APBB2: variants seen among roughly 807,000 people sequenced by gnomAD.
APBB2 encodes amyloid beta precursor protein binding family B member 2.
In APBB2, 38 loss-of-function variants were observed where a neutral mutation model predicts 82.5. The ratio of observed to expected loss-of-function variants is 0.46; its 90% CI spans 0.36 to 0.60. The LOEUF (loss-of-function observed/expected upper bound fraction) is 0.60, where lower values mean the gene tolerates loss of function less well. Among genes scored for constraint, APBB2 ranks in the 20% least tolerant of loss-of-function variants. The pLI is 0.00. For synonymous variants in APBB2, 341 were observed against 368.2 expected (o/e 0.93, Z 0.85); for missense variants, 772 against 972.3 (o/e 0.79, Z 2.74).
intron 4 of APBB2, among the ~76,000 whole-genome samples, chr4:41,056,137 G>A (rs543421397): frequency 7.2e-5 from 11 of 151,994 alleles, no homozygotes; most frequent in African/African-American, 2.2e-4. Flanking sequence ...CCGAGATCGC[G>A]GCACTGCACT....
intron 2 of APBB2, among the ~76,000 whole-genome samples, chr4:41,141,554 C>T (rs1234745064): frequency 6.6e-6 from 1 of 152,200 alleles, no homozygotes; most frequent in Non-Finnish European, 1.5e-5. Flanking sequence ...GAAGGCAAAA[C>T]TTCTTCAATA....
In APBB2 at chr4:40,890,165, A is replaced by G. The variant is rs558197120; in HGVS notation, c.1529+199T>C. ...AGGATCAGAGTTGACAAAAGATTTG[A>G]GATACAGAAACCAGGAAGGGAAGCA... is the stretch of plus-strand genomic sequence containing the variant. On this transcript the variant is annotated intron_variant, in intron 12 of 17. Coordinates refer to ENST00000508593, the MANE Select transcript of APBB2 (RefSeq NM_004307.2). 18 of 641,000 alleles carry G rather than the reference A, an allele frequency of 2.8e-5. 1 individual carries two copies. In the Admixed American group the frequency reaches 4.7e-4, roughly 17 times the overall value. The allele number at this position is 641,000 out of a possible 1,614,324, so 39.7% of individuals were successfully genotyped here. A position where few individuals can be genotyped will look rare whatever the true frequency, so the allele number is the denominator to read the frequency against.
intron 1 of APBB2, among the ~76,000 whole-genome samples, chr4:41,145,702 C>T (rs372915634): frequency 1.8e-4 from 28 of 152,254 alleles, no homozygotes; most frequent in African/African-American, 6.3e-4. Context: ...CTGTTGATAA[C>T]ACTACAGTCC....
chr4:40,955,727 A>T (rs906367081), intron 6 of APBB2, among the ~76,000 whole-genome samples: 1 of 152,076 alleles, frequency 6.6e-6, no homozygotes, highest in Non-Finnish European at 1.5e-5. Context: ...AGCCTGAGCA[A>T]CATAAAAAGA....
intron 2 of APBB2, among the ~76,000 whole-genome samples, chr4:41,101,890 C>T (rs943300550): frequency 6.6e-5 from 10 of 150,794 alleles, no homozygotes; most frequent in South Asian, 2.1e-4. Context: ...ACCCGGGAGG[C>T]GGAAGTTGCA....
intron 10 of APBB2, among the ~76,000 whole-genome samples, chr4:40,897,697 G>C (rs750534708): frequency 1.3e-5 from 2 of 152,108 alleles, no homozygotes; most frequent in Non-Finnish European, 1.5e-5. Flanking sequence ...GTGTAAGCGG[G>C]ACTAGGCAGC....
intron 6 of APBB2, among the ~76,000 whole-genome samples, chr4:41,011,947 C>T (rs566391654): frequency 2.0e-5 from 3 of 152,292 alleles, no homozygotes; most frequent in Admixed American, 6.5e-5. Flanking sequence ...ACTGCAGCCT[C>T]GAACTCCTGG....
chr4:40,950,395 A>C (rs910244604), intron 6 of APBB2, among the ~76,000 whole-genome samples: 4 of 152,240 alleles, frequency 2.6e-5, no homozygotes. Flanking sequence ...AAAACCTTGA[A>C]ACAACCTAGA....
chr4:41,068,814 T>G (rs1464761932), intron 3 of APBB2, among the ~76,000 whole-genome samples: 2 of 77,702 alleles, frequency 2.6e-5, no homozygotes, highest in East Asian at 7.5e-4. Flanking sequence ...TTTTTTTTTT[T>G]GAGATGGAGT....
chr4:40,901,650 C>T (rs571567009), intron 10 of APBB2, among the ~76,000 whole-genome samples: 91 of 152,292 alleles, frequency 6.0e-4, no homozygotes, highest in African/African-American at 2.1e-3. Context: ...GCTGGGATTA[C>T]AGGCGCCCAT....
chr4:41,101,871 A>C (rs985427568), intron 2 of APBB2, among the ~76,000 whole-genome samples: 24 of 152,028 alleles, frequency 1.6e-4, no homozygotes, highest in Non-Finnish European at 7.4e-5. Flanking sequence ...AGGCAGGAGA[A>C]TCGCTTGAAC....
chr4:41,144,575 G>A (rs1019010619), intron 1 of APBB2, among the ~76,000 whole-genome samples: 11 of 152,092 alleles, frequency 7.2e-5, no homozygotes, highest in African/African-American at 2.2e-4. Flanking sequence ...CCTGATCTTC[G>A]GTCTGCCTCT....
At chr4:40,913,693 T>C (rs1423148367) in intron 10 of APBB2, among the ~76,000 whole-genome samples, 1 of 152,216 alleles carries the variant, frequency 6.6e-6, no homozygotes, top group Non-Finnish European at 1.5e-5. Flanking sequence ...CCCTATCTTG[T>C]TTCAGTTCTT....
chr4:40,876,512 G>A (rs553630518), intron 12 of APBB2, among the ~76,000 whole-genome samples: 34 of 152,266 alleles, frequency 2.2e-4, no homozygotes, highest in African/African-American at 7.7e-4. Context: ...GTGAGATTCA[G>A]CACGTTGCTG....
At chr4:41,074,995 T>C in intron 3 of APBB2, among the ~76,000 whole-genome samples, 1 of 151,998 alleles carries the variant, frequency 6.6e-6, no homozygotes, top group East Asian at 1.9e-4. Flanking sequence ...CAAAAAATTA[T>C]CTGGCCACGT....
chr4:40,975,298 G>A (rs1409886927), intron 6 of APBB2, among the ~76,000 whole-genome samples: 2 of 152,164 alleles, frequency 1.3e-5, no homozygotes, highest in South Asian at 2.1e-4. Context: ...TGAATTGAAC[G>A]TGTTCCAGTA....
intron 2 of APBB2, among the ~76,000 whole-genome samples, chr4:41,109,678 G>T (rs989800373): frequency 5.9e-5 from 9 of 152,172 alleles, no homozygotes; most frequent in African/African-American, 2.2e-4. Context: ...CACCATGTTA[G>T]CCAGGATGGT....
chr4:41,140,341 C>T (rs1375553255), intron 2 of APBB2, among the ~76,000 whole-genome samples: 2 of 152,142 alleles, frequency 1.3e-5, no homozygotes, highest in Non-Finnish European at 2.9e-5. Flanking sequence ...GAAAGCCTTC[C>T]CTTCTTTTAG....
At chr4:40,953,138 T>C (rs1790658271) in intron 6 of APBB2, among the ~76,000 whole-genome samples, 1 of 150,850 alleles carries the variant, frequency 6.6e-6, no homozygotes, top group South Asian at 2.1e-4. Context: ...CTACTAAAAA[T>C]ACAAAAAAAA....
Sources: gnomAD v4.1 joint callset for allele counts (sites outside exome capture counted in the v4.1 genomes callset) on GRCh38, gnomAD v4.1.1 for gene constraint, MANE v1.5 for transcripts, NCBI Gene and HGNC (gene_info 2026-07-23, HGNC 2026-07-21) for gene names.